TACR1: variants seen among roughly 807,000 people sequenced by gnomAD.
TACR1 encodes the protein substance-P receptor.
A neutral mutation model predicts 35.8 loss-of-function variants in TACR1; 25 were observed. The ratio of observed to expected loss-of-function variants is 0.70; its 90% confidence interval spans 0.51 to 0.98. The LOEUF is 0.98. Among genes scored for constraint, TACR1 ranks in the 50% least tolerant of loss-of-function variants. The probability of loss-of-function intolerance (pLI) is 0.00; values close to 1 mark genes in which losing one functional copy is unlikely to be tolerated. For missense variants in TACR1, 478 were observed against 522.9 expected, an observed-to-expected ratio of 0.91 and a Z score of 0.84; for synonymous variants, 195 against 206.7, an observed-to-expected ratio of 0.94 and a Z score of 0.48.
chr2:75,120,067 CT>C (rs948752876), intron 2 of TACR1, among the ~76,000 whole-genome samples: 1 of 151,230 alleles, frequency 6.6e-6, no homozygotes, highest in South Asian at 2.1e-4. Context: ...AGGCATTGTT[CT>C]TTTTTTTTGG....
At chr2:75,135,131 C>A (rs1019685330) in intron 1 of TACR1, among the ~76,000 whole-genome samples, 2 of 152,184 alleles carry the variant, frequency 1.3e-5, no homozygotes, top group Admixed American at 1.3e-4. Context: ...GGCAGTGGAA[C>A]CCCTGCTGCC....
chr2:75,108,378 TA>T (rs1216481221), intron 2 of TACR1, among the ~76,000 whole-genome samples: 1 of 152,166 alleles, frequency 6.6e-6, no homozygotes, highest in East Asian at 1.9e-4. Context: ...TGGGGTACAT[TA>T]AAAATATACT....
intron 1 of TACR1, among the ~76,000 whole-genome samples, chr2:75,197,707 T>G (rs1676027332): frequency 6.6e-6 from 1 of 152,208 alleles, no homozygotes. Context: ...CCTAACCTGT[T>G]GGTTGCCGGA....
chr2:75,186,429 T>C (rs749484064), intron 1 of TACR1, among the ~76,000 whole-genome samples: 9 of 151,052 alleles, frequency 6.0e-5, no homozygotes, highest in Non-Finnish European at 1.3e-4. Context: ...TCCTAAGAAT[T>C]GACAATAGTG....
chr2:75,158,586 G>T (rs1674922310), intron 1 of TACR1, among the ~76,000 whole-genome samples: 1 of 152,146 alleles, frequency 6.6e-6, no homozygotes. Context: ...TCAGCTCTGG[G>T]TGATTGCCAT....
chr2:75,169,036 C>T (rs1012247614), intron 1 of TACR1, among the ~76,000 whole-genome samples: 1 of 152,120 alleles, frequency 6.6e-6, no homozygotes, highest in Non-Finnish European at 1.5e-5. Flanking sequence ...AATTTACAAT[C>T]GCTTTATTTC....
chr2:75,049,719 G>A lies in TACR1; in HGVS notation c.937C>T (p.Arg313Cys), dbSNP rs745877085. The change falls in exon 5 of 5, where the codon CGT becomes TGT. Residue 313 changes from arginine to cysteine, a missense_variant. Coordinates refer to ENST00000305249, the MANE Select transcript of TACR1 (RefSeq NM_001058.4). ...IIYCCLNDRF[R>C]LGFKHAFRCC... is the part of the protein sequence containing the mutation. ...CGGAAGGCATGCTTGAAGCCCAGAC[G>A]GAACCTGGAGAGCGAGCAGATGAAG... is the stretch of plus-strand genomic sequence containing the variant. The A allele has an allele frequency of 3.1e-6, 5 of 1,612,076 alleles. No individual in the cohort carries two copies. The highest frequency in any genetic ancestry group is 2.2e-5 in the East Asian group (1 of 44,832).
At chr2:75,119,087 C>T in intron 2 of TACR1, 1 of 152,244 alleles carries the variant, frequency 6.6e-6, no homozygotes. Flanking sequence ...GCTCATGGAA[C>T]AGATGCAGCA....
At chr2:75,091,229 TC>T (rs1379938968) in intron 2 of TACR1, among the ~76,000 whole-genome samples, 1 of 136,760 alleles carries the variant, frequency 7.3e-6, no homozygotes, top group Non-Finnish European at 1.6e-5. Context: ...AAAAAAAATC[TC>T]CCCTGAATTT....
rs548681315 is a variant in TACR1 at position 75,106,600 on chromosome 2, A to T, written c.584+13974T>A. 2.0e-3 allele frequency among the ~76,000 whole-genome samples: 300 copies of T among 152,130 alleles called. 2 individuals are homozygous for T. Among genetic ancestry groups the T allele is most frequent in the Middle Eastern group, 6.8e-3 (2 of 294 alleles). On this transcript the variant is annotated intron_variant, in intron 2 of 4. Transcript: ENST00000305249. ...CAAGGGAATATGAGAATAGAAAGTGACAAATTTCCTTTTCCTATAAATGGA... is the reference window on the plus strand; with the variant it reads ...CAAGGGAATATGAGAATAGAAAGTGTCAAATTTCCTTTTCCTATAAATGGA...
At chr2:75,104,401 G>A (rs1255894099) in intron 2 of TACR1, among the ~76,000 whole-genome samples, 1 of 151,966 alleles carries the variant, frequency 6.6e-6, no homozygotes, top group African/African-American at 2.4e-5. Flanking sequence ...TTAATTTAAT[G>A]GGTCTTAAGG....
chr2:75,073,092 A>G (rs1308237906), intron 2 of TACR1, among the ~76,000 whole-genome samples: 1 of 152,240 alleles, frequency 6.6e-6, no homozygotes, highest in Non-Finnish European at 1.5e-5. Context: ...ATATAAGAGG[A>G]AAACCTCACT....
At chr2:75,140,294 G>A (rs1674377032) in intron 1 of TACR1, among the ~76,000 whole-genome samples, 1 of 152,132 alleles carries the variant, frequency 6.6e-6, no homozygotes, top group Admixed American at 6.5e-5. Flanking sequence ...TAATGAAAAT[G>A]AGGGTGGAAT....
chr2:75,068,992 T>C (rs1055523653), intron 2 of TACR1, among the ~76,000 whole-genome samples: 1 of 152,224 alleles, frequency 6.6e-6, no homozygotes. Flanking sequence ...TAATTCCCAC[T>C]TGTCATGGAG....
intron 1 of TACR1, among the ~76,000 whole-genome samples, chr2:75,139,498 C>T (rs1367078634): frequency 6.6e-6 from 1 of 152,236 alleles, no homozygotes; most frequent in Non-Finnish European, 1.5e-5. Flanking sequence ...TATAGCTATG[C>T]ACATGGTCAG....
chr2:75,088,730 T>A (rs1044060835), intron 2 of TACR1, among the ~76,000 whole-genome samples: 14 of 151,952 alleles, frequency 9.2e-5, no homozygotes, highest in African/African-American at 3.4e-4. Context: ...GTGATGGGGG[T>A]TTAGGCGGAT....
rs1674773707 is a variant in TACR1 at position 75,154,447 on chromosome 2, CACACTCTGAAGAA to C, written c.390-33692_390-33680del. 2 of 105,410 alleles carry C rather than the reference CACACTCTGAAGAA, an allele frequency of 1.9e-5. 1 individual carries two copies. The highest frequency in any genetic ancestry group is 2.2e-4 in the Admixed American group (2 of 9,198). The allele number at this position is 105,410 out of a possible 1,614,324, so 6.5% of individuals were successfully genotyped here. A position where few individuals can be genotyped will look rare whatever the true frequency, so the allele number is the denominator to read the frequency against. On this transcript the variant is annotated intron_variant, in intron 1 of 4. Transcript: ENST00000305249. ...ACACACACACACACACACACACACA[CACACTCTGAAGAA>C]ACCCAGTGGAGATTCAGCACTAACC...
intron 2 of TACR1, among the ~76,000 whole-genome samples, chr2:75,100,359 T>G (rs1673513168): frequency 6.6e-6 from 1 of 152,244 alleles, no homozygotes; most frequent in Non-Finnish European, 1.5e-5. Flanking sequence ...AAATTTAGTT[T>G]CTTTGGCATA....
At chr2:75,091,111 T>C (rs1673301780) in intron 2 of TACR1, among the ~76,000 whole-genome samples, 1 of 150,650 alleles carries the variant, frequency 6.6e-6, no homozygotes, top group Non-Finnish European at 1.5e-5. Flanking sequence ...TCCTTCTGAT[T>C]GCTCATGGAG....
Sources: allele counts gnomAD v4.1 joint callset (sites outside exome capture counted in the v4.1 genomes callset), GRCh38; gene constraint gnomAD v4.1.1; transcripts MANE v1.5; gene names NCBI Gene and HGNC (gene_info 2026-07-23, HGNC 2026-07-21).